PPEF2: variants seen among roughly 807,000 people sequenced by gnomAD.
PPEF2 encodes the protein serine/threonine-protein phosphatase with EF-hands 2.
PPEF2 carries 84 observed loss-of-function variants against 84.7 expected under a neutral mutation model. That is an observed-to-expected ratio of 0.99 (90% CI 0.83 to 1.19). PPEF2 has a LOEUF of 1.19. Among genes scored for constraint, PPEF2 ranks in the 50% most tolerant of loss-of-function variants. The pLI, the probability that PPEF2 is intolerant of heterozygous loss-of-function variation, is 0.00. For missense variants in PPEF2, 924 were observed against 937.5 expected (o/e 0.99, Z 0.19); for synonymous variants, 346 against 345.2 (o/e 1.00, Z -0.03).
At chr4:75,888,670 C>T (rs373646511) in intron 5 of PPEF2, among the ~76,000 whole-genome samples, 4 of 152,170 alleles carry the variant, frequency 2.6e-5, no homozygotes, top group East Asian at 3.9e-4. Context: ...CTTAGTGATC[C>T]TGTCATTACT....
intron 3 of PPEF2, 34 bp from the exon 4 acceptor site, chr4:75,891,739 G>A (rs577634156): frequency 7.5e-6 from 12 of 1,603,008 alleles, no homozygotes; most frequent in South Asian, 3.4e-5. Flanking sequence ...TGGCTTTAGA[G>A]GTGAGCGAAA....
chr4:75,876,349 CTGAGCGGGAGGGCTCCTCT>C lies in PPEF2; in HGVS notation c.1239_1257del (p.Glu414ProfsTer23), dbSNP rs1052267231. On this transcript the variant is annotated frameshift_variant, in exon 11 of 17. Transcript: ENST00000286719. LOFTEE classifies it high-confidence loss of function. ...CCGGCTTCAGAGTCTGCTTCTGAGG[CTGAGCGGGAGGGCTCCTCT>C]TTCTCTCCGGTCACCAGGAGGCCTG... The C allele has an allele frequency of 6.2e-7, 1 of 1,613,930 alleles. No homozygotes were observed.
At chr4:75,876,989 C>CCTGAAA (rs2149218918) in intron 10 of PPEF2, among the ~76,000 whole-genome samples, 1 of 10,500 alleles carries the variant, frequency 9.5e-5, no homozygotes, top group East Asian at 0.017. Context: ...GCCTGAGCAA[C>CCTGAAA]AGAGGGAGAC....
chr4:75,874,858 T>G (rs1025339285), intron 11 of PPEF2, among the ~76,000 whole-genome samples: 1 of 152,096 alleles, frequency 6.6e-6, no homozygotes, highest in Non-Finnish European at 1.5e-5. Flanking sequence ...AATCAGCAAG[T>G]TCTGCTAATT....
At chr4:75,894,146 G>T (rs962994551) in intron 2 of PPEF2, among the ~76,000 whole-genome samples, 5 of 152,138 alleles carry the variant, frequency 3.3e-5, no homozygotes, top group Non-Finnish European at 7.3e-5. Flanking sequence ...AGTAGGGTAT[G>T]GGAGAATAGG....
In PPEF2 at chr4:75,866,175, T is replaced by A. The variant is rs1049110320; in HGVS notation, c.1920+14A>T. On this transcript the variant is annotated intron_variant, in intron 15 of 16. Coordinates refer to ENST00000286719, the MANE Select transcript of PPEF2 (RefSeq NM_006239.3). ...GTCCACATGTGCTCTCATCCACCAT[T>A]ACCACACCGTTACCTCGCGACTCAG... The A allele has an allele frequency of 5.0e-6, 8 of 1,603,434 alleles. No homozygotes were observed. The highest frequency in any genetic ancestry group is 6.8e-6 in the Non-Finnish European group (8 of 1,173,856).
intron 5 of PPEF2, among the ~76,000 whole-genome samples, chr4:75,889,722 T>A (rs141240945): frequency 2.7e-4 from 41 of 152,310 alleles, no homozygotes; most frequent in African/African-American, 9.4e-4. Flanking sequence ...TCAGTAGTTA[T>A]GTGTGGGATG....
chr4:75,862,561 T>G (rs1724033029), intron 16 of PPEF2, among the ~76,000 whole-genome samples: 1 of 152,024 alleles, frequency 6.6e-6, no homozygotes, highest in Non-Finnish European at 1.5e-5. Context: ...TCAACATCAT[T>G]AGTTATTAAG....
At chr4:75,866,478 A>C (rs1560479497) in intron 14 of PPEF2, 126 bp from the exon 15 acceptor site, 1 of 1,255,448 alleles carries the variant, frequency 8.0e-7, no homozygotes, top group Non-Finnish European at 1.1e-6. Flanking sequence ...GGGCACTGTC[A>C]CTATTTTTGT....
intron 1 of PPEF2, among the ~76,000 whole-genome samples, chr4:75,900,933 T>C (rs1012085250): frequency 6.6e-6 from 1 of 152,166 alleles, no homozygotes; most frequent in Non-Finnish European, 1.5e-5. Context: ...CCTAGTGTGA[T>C]ATCATCTGTA....
At chr4:75,864,603 C>T (rs1724084571) in intron 15 of PPEF2, 76 bp from the exon 16 acceptor site, 1 of 1,132,496 alleles carries the variant, frequency 8.8e-7, no homozygotes, top group Non-Finnish European at 1.3e-6. Flanking sequence ...ACACAATCAA[C>T]CCTGACAATC....
At position 75,894,641 on chromosome 4, in the gene PPEF2, C is replaced by A. The variant is rs28602989; in HGVS notation, c.55+1630G>T. Among the ~76,000 whole-genome samples the A allele has an allele frequency of 5.1e-3, 783 of 152,218 alleles. 8 individuals are homozygous for A. Among genetic ancestry groups the A allele is most frequent in the African/African-American group, 0.018 (738 of 41,536 alleles). On this transcript the variant is annotated intron_variant, in intron 2 of 16. Transcript: ENST00000286719. ...ATGTCTCAGGAGCTGGGGTTTAACA[C>A]CTGTATGGGGATGAGAGTGAGTTCC... is the stretch of plus-strand genomic sequence containing the variant.
At position 75,883,184 on chromosome 4, in the gene PPEF2, T is replaced by C; in HGVS notation, c.765A>G (p.Glu255=). The change falls in exon 9 of 17, where the codon GAA becomes GAG. Residue 255 remains glutamate (E), a synonymous_variant. Coordinates refer to ENST00000286719, the MANE Select transcript of PPEF2 (RefSeq NM_006239.3). ...MVNLRYGFTK[E]VMNKYKVHGK... ...AGCGCACCTTGTATTTATTCATCACTTCCTTGGTGAAGCCATATCTAGATT... is the reference window on the plus strand; with the variant it reads ...AGCGCACCTTGTATTTATTCATCACCTCCTTGGTGAAGCCATATCTAGATT... 6.2e-7 allele frequency: 1 copy of C among 1,613,706 alleles called. No homozygotes were observed.
chr4:75,874,298 TTTG>T (rs1426838257), intron 11 of PPEF2, among the ~76,000 whole-genome samples: 1 of 151,560 alleles, frequency 6.6e-6, no homozygotes, highest in Non-Finnish European at 1.5e-5. Context: ...TTTCTTTTCT[TTTG>T]TTTTTTTTTT....
At chr4:75,895,728 C>T (rs9993150) in intron 2 of PPEF2, among the ~76,000 whole-genome samples, 70,271 of 151,138 alleles carry the variant, frequency 0.46, 17,817 homozygotes, top group African/African-American at 0.63. Flanking sequence ...CAAGACTCCG[C>T]CTCAAAAAAA....
chr4:75,874,307 T>A (rs959128218), intron 11 of PPEF2, among the ~76,000 whole-genome samples: 21 of 151,750 alleles, frequency 1.4e-4, no homozygotes, highest in Non-Finnish European at 2.9e-4. Flanking sequence ...TTTTGTTTTT[T>A]TTTTTTGAGA....
At chr4:75,880,748 G>A in intron 10 of PPEF2, among the ~76,000 whole-genome samples, 1 of 151,620 alleles carries the variant, frequency 6.6e-6, no homozygotes. Flanking sequence ...AATTACTTGA[G>A]CCCAGGAATT....
chr4:75,886,343 G>T (rs79412953), intron 7 of PPEF2, among the ~76,000 whole-genome samples: 160 of 152,322 alleles, frequency 1.1e-3, no homozygotes, highest in Admixed American at 1.8e-3. Flanking sequence ...ACCCGAGGCC[G>T]GTGCGGAGAG....
In PPEF2 at chr4:75,871,954, G is replaced by A. The variant is rs181358727; in HGVS notation, c.1649+71C>T. The A allele has an allele frequency of 6.3e-6, 9 of 1,438,136 alleles. No individual in the cohort carries two copies. In the Admixed American group the frequency reaches 1.8e-4, roughly 29 times the overall value. The allele number at this position is 1,438,136 out of a possible 1,614,324, so 89.1% of individuals were successfully genotyped here. ...TAGAATTTGAATAAATATAACGTTTGACACTTCATTCAAAGATTCTATGAA... is the reference window on the plus strand; with the variant it reads ...TAGAATTTGAATAAATATAACGTTTAACACTTCATTCAAAGATTCTATGAA... On this transcript the variant is annotated intron_variant, in intron 13 of 16. Coordinates refer to ENST00000286719, the MANE Select transcript of PPEF2 (RefSeq NM_006239.3).
Sources: gnomAD v4.1 joint callset for allele counts (sites outside exome capture counted in the v4.1 genomes callset) on GRCh38, gnomAD v4.1.1 for gene constraint, MANE v1.5 for transcripts, NCBI Gene and HGNC (gene_info 2026-07-23, HGNC 2026-07-21) for gene names.